PCK2: variants seen among roughly 807,000 people sequenced by gnomAD.
PCK2 encodes phosphoenolpyruvate carboxykinase 2, mitochondrial, also known as phosphoenolpyruvate carboxykinase [GTP], mitochondrial.
In PCK2, 56 loss-of-function variants were observed where a neutral mutation model predicts 65.9. That is an observed-to-expected ratio of 0.85 (90% CI 0.69 to 1.06). The LOEUF (loss-of-function observed/expected upper bound fraction) is 1.06. Ranked by LOEUF, PCK2 falls within the 50% of genes least tolerant of loss-of-function variation. The pLI is 0.00. For synonymous variants in PCK2, 305 were observed against 319.6 expected (o/e 0.95, Z 0.49); for missense variants, 843 against 863.1 (o/e 0.98, Z 0.29).
At chr14:24,100,237 G>T (rs779611247) in intron 7 of PCK2, 24 bp downstream of exon 7, 3 of 1,613,304 alleles carry the variant, frequency 1.9e-6, no homozygotes. Flanking sequence ...GGAAGGTGTG[G>T]CACAGCCTCC....
At position 24,102,754 on chromosome 14, in the gene PCK2, T is replaced by C; in HGVS notation, c.1236T>C (p.Gly412=). The C allele has an allele frequency of 1.2e-6, 2 of 1,612,758 alleles. No homozygotes were observed. Among genetic ancestry groups the C allele is most frequent in the Non-Finnish European group, 1.7e-6 (2 of 1,179,346 alleles). ...TSWLGKPWKP[G]DKEPCAHPNS... Reference sequence around the variant, plus strand: ...TAGTGTTTGTATTTCCTCTGCCAGGTGACAAGGAGCCCTGTGCACATCCCA... The same window carrying C: ...TAGTGTTTGTATTTCCTCTGCCAGGCGACAAGGAGCCCTGTGCACATCCCA... Residue 412 remains glycine (G), a splice_region_variant and synonymous_variant, in exon 8 of 10, where the codon GGT becomes GGC. Coordinates refer to ENST00000216780, the MANE Select transcript of PCK2 (RefSeq NM_004563.4).
Position 24,100,005 on chromosome 14 carries a change from G to A in PCK2, c.1026G>A (p.Arg342=). The part of the protein sequence containing the change: ...WMRFDSEGRL[R]AINPENGFFG... ...CACTTCTCCTAACAGGTCGACTCCG[G>A]GCCATCAACCCTGAGAACGGCTTCT... Residue 342 remains arginine (R), a synonymous_variant, in exon 7 of 10, where the codon CGG becomes CGA. Transcript: ENST00000216780. 5 of 1,614,154 alleles carry A rather than the reference G, an allele frequency of 3.1e-6. No homozygotes were observed. Among genetic ancestry groups the A allele is most frequent in the Non-Finnish European group, 4.2e-6 (5 of 1,180,020 alleles).
Position 24,100,223 on chromosome 14 carries a change from G to T in PCK2, c.1234+10G>T. On this transcript the variant is annotated intron_variant, in intron 7 of 9. Transcript: ENST00000216780. ...AAACCCTGGAAACCTGGTATGTGCG[G>T]TGGGGAAGGTGTGGCACAGCCTCCA... is the stretch of plus-strand genomic sequence containing the variant. 1 of 1,613,962 alleles carries T rather than the reference G, an allele frequency of 6.2e-7. No individual in the cohort carries two copies. Among genetic ancestry groups the T allele is most frequent in the Non-Finnish European group, 8.5e-7 (1 of 1,179,888 alleles).
Position 24,099,137 on chromosome 14 carries a change from C to A in PCK2, c.753C>A (p.Ser251Arg), listed in dbSNP as rs376443548. ...AGCGGGAGATCATCTCCTTCGGCAG[C>A]GGCTATGGTGGCAACTCCCTGCTGG... ...PDQREIISFGSGYGGNSLLGK... is the reference protein window; with the variant it reads ...PDQREIISFGRGYGGNSLLGK... The change falls in exon 5 of 10, where the codon AGC (serine) becomes AGA (arginine). Residue 251 changes from serine (S) to arginine (R), a missense_variant. By Grantham distance (110) the Ser-to-Arg change is moderately radical. Transcript: ENST00000216780. The A allele has an allele frequency of 6.2e-7, 1 of 1,611,528 alleles. No homozygotes were observed. Among genetic ancestry groups the A allele is most frequent in the African/African-American group, 1.3e-5 (1 of 74,936 alleles).
chr14:24,102,664 A>T, intron 7 of PCK2, 89 bp from the exon 8 acceptor site: 1 of 1,152,114 alleles, frequency 8.7e-7, no homozygotes, highest in Non-Finnish European at 1.2e-6. Flanking sequence ...AAAAAAAAAA[A>T]GAACCCTGCA....
In PCK2 at chr14:24,094,751, T is replaced by C; in HGVS notation, c.29+317T>C. The C allele has an allele frequency of 1.4e-6, 2 of 1,458,422 alleles. No homozygotes were observed. Among genetic ancestry groups the C allele is most frequent in the Non-Finnish European group, 1.8e-6 (2 of 1,097,488 alleles). The allele number at this position is 1,458,422 out of a possible 1,614,324, so 90.3% of individuals were successfully genotyped here. A position where few individuals can be genotyped will look rare whatever the true frequency, so the allele number is the denominator to read the frequency against. On this transcript the variant is annotated intron_variant, in intron 1 of 9. Coordinates refer to ENST00000216780, the MANE Select transcript of PCK2 (RefSeq NM_004563.4). This position sits in a 1 kb window ranked among gnomAD's most constrained non-coding sequence, Gnocchi z 4.1. Reference sequence around the variant, plus strand: ...TGCTGAGCCAGGTCTCCGCATATCCTCCTTTCCTTCCCAGATACCTCCCTC... The same window carrying C: ...TGCTGAGCCAGGTCTCCGCATATCCCCCTTTCCTTCCCAGATACCTCCCTC...
In PCK2 at chr14:24,103,542, C is replaced by T. The variant is rs199570303; in HGVS notation, c.1501C>T (p.Arg501Trp). The T allele has an allele frequency of 1.1e-4, 175 of 1,563,774 alleles. No homozygotes were observed. The highest frequency in any genetic ancestry group is 1.7e-4 in the Middle Eastern group (1 of 5,792). ...CATCATGCACGACCCATTTGCCATGCGGCCCTTTTTTGGCTACAACTTCGG... is the reference window on the plus strand; with the variant it reads ...CATCATGCACGACCCATTTGCCATGTGGCCCTTTTTTGGCTACAACTTCGG... ...KIIMHDPFAMRPFFGYNFGHY... is the reference protein window; with the variant it reads ...KIIMHDPFAMWPFFGYNFGHY... The change falls in exon 10 of 10, where the codon CGG becomes TGG. Residue 501 changes from arginine to tryptophan, a missense_variant. Arg to Trp is a moderately radical substitution (Grantham distance 101). Transcript: ENST00000216780.
In PCK2 at chr14:24,102,812, C is replaced by T. The variant is rs1483232169; in HGVS notation, c.1294C>T (p.Pro432Ser). ...SRFCAPARQC[P>S]IMDPAWEAPE... ...ATTTTGTGCCCCGGCTCGCCAGTGC[C>T]CCATCATGGACCCAGCCTGGGAGGC... The change falls in exon 8 of 10, where the codon CCC becomes TCC. Residue 432 changes from proline (P) to serine (S), a missense_variant. Transcript: ENST00000216780. 6.2e-7 allele frequency: 1 copy of T among 1,613,806 alleles called. No individual in the cohort carries two copies. The highest frequency in any genetic ancestry group is 2.2e-5 in the East Asian group (1 of 44,884).
intron 7 of PCK2, among the ~76,000 whole-genome samples, chr14:24,102,103 C>T (rs1169441123): frequency 1.3e-5 from 2 of 152,250 alleles, no homozygotes; most frequent in Admixed American, 6.5e-5. Context: ...TGGTGGGTGC[C>T]TGTAATCCCA....
intron 1 of PCK2, among the ~76,000 whole-genome samples, chr14:24,096,302 G>C (rs896548411): frequency 8.3e-6 from 1 of 119,772 alleles, no homozygotes; most frequent in Non-Finnish European, 1.6e-5. Flanking sequence ...GCAGTGTCCC[G>C]ATCTCGGCTC....
At chr14:24,100,302 C>A in intron 7 of PCK2, 89 bp downstream of exon 7, 1 of 1,548,042 alleles carries the variant, frequency 6.5e-7, no homozygotes, top group South Asian at 1.3e-5. Context: ...CAACCATCTT[C>A]TAGGACTGCC....
In PCK2 at chr14:24,094,365, C is replaced by T; in HGVS notation, c.-41C>T. The T allele has an allele frequency of 1.3e-6, 2 of 1,529,092 alleles. No individual in the cohort carries two copies. Among genetic ancestry groups the T allele is most frequent in the Non-Finnish European group, 1.8e-6 (2 of 1,137,282 alleles). The allele number at this position is 1,529,092 out of a possible 1,614,324, so 94.7% of individuals were successfully genotyped here. On this transcript the variant is annotated 5_prime_UTR_variant, in exon 1 of 10. Coordinates refer to ENST00000216780, the MANE Select transcript of PCK2 (RefSeq NM_004563.4). The surrounding 1 kb of genome is among the most constrained non-coding windows in gnomAD (Gnocchi z 4.1). ...CCCGCCTTCCATACCTCCCCGGCTC[C>T]GCTCGGTTCCTGGCCACCCCGCAGC...
Position 24,102,788 on chromosome 14 carries a change from T to G in PCK2, c.1270T>G (p.Phe424Val). 2 of 1,613,876 alleles carry G rather than the reference T, an allele frequency of 1.2e-6. No individual in the cohort carries two copies. The highest frequency in any genetic ancestry group is 1.7e-6 in the Non-Finnish European group (2 of 1,179,740). ...KEPCAHPNSR[F>V]CAPARQCPIM... is the part of the protein sequence containing the mutation. ...GCCCTGTGCACATCCCAACTCTCGATTTTGTGCCCCGGCTCGCCAGTGCCC... is the reference window on the plus strand; with the variant it reads ...GCCCTGTGCACATCCCAACTCTCGAGTTTGTGCCCCGGCTCGCCAGTGCCC... The change falls in exon 8 of 10, where the codon TTT becomes GTT. Residue 424 changes from phenylalanine (F) to valine (V), a missense_variant. Phe to Val is a conservative substitution (Grantham distance 50). Coordinates refer to ENST00000216780, the MANE Select transcript of PCK2 (RefSeq NM_004563.4).
At chr14:24,096,523 C>T (rs946492407) in intron 1 of PCK2, among the ~76,000 whole-genome samples, 1 of 152,152 alleles carries the variant, frequency 6.6e-6, no homozygotes, top group African/African-American at 2.4e-5. Context: ...GCATGAGCCA[C>T]CGTGCCCAGC....
intron 7 of PCK2, 99 bp from the exon 8 acceptor site, chr14:24,102,654 A>T: frequency 1.1e-6 from 1 of 951,336 alleles, no homozygotes; most frequent in East Asian, 2.8e-5. Context: ...GATGAGGCAA[A>T]AAAAAAAAAA....
chr14:24,102,631 G>T, intron 7 of PCK2, 122 bp from the exon 8 acceptor site: 1 of 799,900 alleles, frequency 1.3e-6, no homozygotes, highest in Non-Finnish European at 2.0e-6. Flanking sequence ...ATCACACAAG[G>T]TTCTAGGCAG....
At position 24,099,122 on chromosome 14, in the gene PCK2, C is replaced by A. The variant is rs1461399420; in HGVS notation, c.738C>A (p.Ile246=). 1.2e-6 allele frequency: 2 copies of A among 1,612,422 alleles called. No homozygotes were observed. Among genetic ancestry groups the A allele is most frequent in the East Asian group, 2.2e-5 (1 of 44,882 alleles). Residue 246 remains isoleucine, a synonymous_variant, in exon 5 of 10, where the codon ATC becomes ATA. Coordinates refer to ENST00000216780, the MANE Select transcript of PCK2 (RefSeq NM_004563.4). The part of the protein sequence containing the change: ...LIGHVPDQRE[I]ISFGSGYGGN... The stretch of plus-strand genomic sequence containing the variant: ...GCCACGTGCCCGACCAGCGGGAGAT[C>A]ATCTCCTTCGGCAGCGGCTATGGTG...
intron 4 of PCK2, 53 bp downstream of exon 4, chr14:24,098,731 G>A (rs950736644): frequency 2.0e-6 from 3 of 1,488,072 alleles, no homozygotes; most frequent in Non-Finnish European, 1.9e-6. Context: ...TGTACTCAGA[G>A]GAAATCCCAA....
chr14:24,103,762 G>T lies in PCK2; in HGVS notation c.1721G>T (p.Gly574Val). The stretch of plus-strand genomic sequence containing the variant: ...GACAGTGCCCGAGAGACACCCATTG[G>T]GCTGGTGCCAAAGGAAGGAGCCTTG... ...GEDSARETPI[G>V]LVPKEGALDL... Residue 574 changes from glycine (G) to valine (V), a missense_variant, in exon 10 of 10, where the codon GGG becomes GTG. Physicochemically the swap from Gly to Val is moderately radical, Grantham distance 109. Coordinates refer to ENST00000216780, the MANE Select transcript of PCK2 (RefSeq NM_004563.4). 1 of 1,614,188 alleles carries T rather than the reference G, an allele frequency of 6.2e-7. No individual in the cohort carries two copies. The highest frequency in any genetic ancestry group is 8.5e-7 in the Non-Finnish European group (1 of 1,180,038).
Sources: allele counts gnomAD v4.1 joint callset (sites outside exome capture counted in the v4.1 genomes callset), GRCh38; gene constraint gnomAD v4.1.1; non-coding constraint Gnocchi (gnomAD v3.1); transcripts MANE v1.5; gene names NCBI Gene and HGNC (gene_info 2026-07-23, HGNC 2026-07-21).